TRAPPC9: variants seen among roughly 807,000 people sequenced by gnomAD.
TRAPPC9 encodes the protein trafficking protein particle complex subunit 9.
Under a neutral mutation model 124.0 loss-of-function variants are expected in TRAPPC9, and 83 were observed. The ratio of observed to expected loss-of-function variants is 0.67; its 90% CI spans 0.56 to 0.80. TRAPPC9 has a LOEUF of 0.80. Ranked by LOEUF, TRAPPC9 falls within the 30% of genes least tolerant of loss-of-function variation. The pLI is 0.00. For synonymous variants in TRAPPC9, 638 were observed against 617.5 expected (o/e 1.03, Z -0.49); for missense variants, 1,302 against 1,508.3 (o/e 0.86, Z 2.27).
At chr8:140,420,925 G>A (rs1047881984) in intron 5 of TRAPPC9, among the ~76,000 whole-genome samples, 1 of 152,130 alleles carries the variant, frequency 6.6e-6, no homozygotes, top group Non-Finnish European at 1.5e-5. Context: ...TAAACACATG[G>A]AGAGGAAAAG....
chr8:140,086,244 T>A (rs141646872), intron 17 of TRAPPC9, among the ~76,000 whole-genome samples: 5 of 151,146 alleles, frequency 3.3e-5, no homozygotes, highest in Admixed American at 2.0e-4. Flanking sequence ...GTATGGAGGA[T>A]GAAGAAGGAG....
intron 19 of TRAPPC9, among the ~76,000 whole-genome samples, chr8:139,917,217 A>G (rs1356915819): frequency 8.5e-6 from 1 of 118,070 alleles, no homozygotes; most frequent in Non-Finnish European, 1.6e-5. Context: ...TCTGTTGCCC[A>G]GGACGGAGTG....
chr8:140,358,503 G>C (rs1036923531), intron 9 of TRAPPC9, among the ~76,000 whole-genome samples: 1 of 152,168 alleles, frequency 6.6e-6, no homozygotes. Context: ...TACCACATCC[G>C]GCCAGAATTA....
At chr8:139,957,173 T>C (rs1411251130) in intron 19 of TRAPPC9, among the ~76,000 whole-genome samples, 1 of 152,172 alleles carries the variant, frequency 6.6e-6, no homozygotes, top group African/African-American at 2.4e-5. Context: ...GCCACCCTAG[T>C]CCGGAAGCTT....
At chr8:140,324,400 G>C (rs1287056338) in intron 9 of TRAPPC9, among the ~76,000 whole-genome samples, 1 of 152,150 alleles carries the variant, frequency 6.6e-6, no homozygotes, top group Non-Finnish European at 1.5e-5. Context: ...AATACATGAA[G>C]TAAAACCTGA....
intron 6 of TRAPPC9, among the ~76,000 whole-genome samples, chr8:140,404,803 T>G (rs1027589347): frequency 1.3e-5 from 2 of 151,962 alleles, no homozygotes; most frequent in Non-Finnish European, 2.9e-5. Context: ...TATGTGTGTG[T>G]GAACATGTGT....
At chr8:140,077,637 T>G (rs1720908485) in intron 17 of TRAPPC9, among the ~76,000 whole-genome samples, 1 of 152,104 alleles carries the variant, frequency 6.6e-6, no homozygotes, top group Non-Finnish European at 1.5e-5. Flanking sequence ...CGATGTGATG[T>G]GATGGACAAG....
chr8:139,965,976 G>A (rs998241312), intron 19 of TRAPPC9, among the ~76,000 whole-genome samples: 8 of 152,248 alleles, frequency 5.3e-5, no homozygotes, highest in Non-Finnish European at 1.0e-4. Flanking sequence ...GCCTGTCTGC[G>A]GGAGGCTTTG....
At chr8:140,000,786 A>G (rs1838338948) in intron 18 of TRAPPC9, among the ~76,000 whole-genome samples, 1 of 152,168 alleles carries the variant, frequency 6.6e-6, no homozygotes, top group Admixed American at 6.5e-5. Flanking sequence ...TGTTGGTGGG[A>G]GCGTAAATTA....
intron 17 of TRAPPC9, among the ~76,000 whole-genome samples, chr8:140,172,656 C>T (rs2061989352): frequency 6.6e-6 from 1 of 152,192 alleles, no homozygotes; most frequent in African/African-American, 2.4e-5. Context: ...CTGACACTTC[C>T]TGACACTCAG....
intron 17 of TRAPPC9, among the ~76,000 whole-genome samples, chr8:140,119,016 C>G (rs2060938624): frequency 6.6e-6 from 1 of 152,236 alleles, no homozygotes; most frequent in Non-Finnish European, 1.5e-5. Flanking sequence ...TTTAAACAGG[C>G]CCCTTCCAAA....
intron 19 of TRAPPC9, among the ~76,000 whole-genome samples, chr8:139,986,958 C>T (rs1177699083): frequency 2.6e-5 from 4 of 152,166 alleles, no homozygotes; most frequent in African/African-American, 9.7e-5. Context: ...AAAGTAATGG[C>T]AAAAGCCGCA....
Position 140,360,189 on chromosome 8 carries a change from C to G in TRAPPC9, c.1356G>C (p.Thr452=), listed in dbSNP as rs1055288375. Residue 452 remains threonine, a synonymous_variant, in exon 9 of 23, where the codon ACG becomes ACC. Coordinates refer to ENST00000438773, the MANE Select transcript of TRAPPC9 (RefSeq NM_001160372.4). ...TCTGGACCGCAGCCCAGCCTCTGTG[C>G]GTGCCTGCGATGGAAGTTACAAAAC... ...SLDPKDFSRG[T]HRGWAAVQMR... 4 of 1,614,070 alleles carry G rather than the reference C, an allele frequency of 2.5e-6. No homozygotes were observed. The South Asian group carries it at 4.4e-5, about 18-fold the overall frequency.
chr8:140,286,720 T>A (rs1441208528), intron 13 of TRAPPC9, among the ~76,000 whole-genome samples: 2 of 151,942 alleles, frequency 1.3e-5, no homozygotes, highest in Non-Finnish European at 2.9e-5. Flanking sequence ...CTGATTTGCA[T>A]GTATTATATG....
At chr8:140,436,435 C>T (rs2070816876) in intron 3 of TRAPPC9, among the ~76,000 whole-genome samples, 1 of 152,178 alleles carries the variant, frequency 6.6e-6, no homozygotes, top group Non-Finnish European at 1.5e-5. Flanking sequence ...AAATAAAGTA[C>T]TGGAGGAATG....
chr8:140,216,485 C>T lies in TRAPPC9; in HGVS notation c.2556+4974G>A, dbSNP rs2063197947. 1.3e-5 allele frequency among the ~76,000 whole-genome samples: 2 copies of T among 152,180 alleles called. No homozygotes were observed. Among genetic ancestry groups the T allele is most frequent in the African/African-American group, 4.8e-5 (2 of 41,450 alleles). The stretch of plus-strand genomic sequence containing the variant: ...TATCCTGTGAGACACAGAAAAAATC[C>T]TCTTCTTGTCTAACAGAGTACCTCA... On this transcript the variant is annotated intron_variant, in intron 17 of 22. Coordinates refer to ENST00000438773, the MANE Select transcript of TRAPPC9 (RefSeq NM_001160372.4). This position sits in a 1 kb window ranked among gnomAD's most constrained non-coding sequence, Gnocchi z 4.1.
intron 19 of TRAPPC9, among the ~76,000 whole-genome samples, chr8:139,970,497 C>T (rs577377507): frequency 6.6e-6 from 1 of 152,238 alleles, no homozygotes; most frequent in South Asian, 2.1e-4. Flanking sequence ...GAGCCAGTAG[C>T]CTGAGATCCC....
In TRAPPC9 at chr8:139,730,939, A is replaced by T; in HGVS notation, c.*122T>A. ...GGAGGAACAGGAGGAGAGGGCTGGG[A>T]GGGGTCTGGGGGAGGAGGAGGAGAT... is the stretch of plus-strand genomic sequence containing the variant. On this transcript the variant is annotated 3_prime_UTR_variant, in exon 23 of 23. Transcript: ENST00000438773. 9.6e-7 allele frequency: 1 copy of T among 1,045,202 alleles called. No homozygotes were observed. The highest frequency in any genetic ancestry group is 1.3e-6 in the Non-Finnish European group (1 of 743,918). The allele number at this position is 1,045,202 out of a possible 1,614,324, so 64.7% of individuals were successfully genotyped here.
chr8:140,450,173 C>G (rs2071404336), intron 2 of TRAPPC9, among the ~76,000 whole-genome samples: 1 of 152,022 alleles, frequency 6.6e-6, no homozygotes. Flanking sequence ...CCAGCCTGGC[C>G]AACGTGGCAA....
Sources: gnomAD v4.1 joint callset for allele counts (sites outside exome capture counted in the v4.1 genomes callset) on GRCh38, gnomAD v4.1.1 for gene constraint, Gnocchi (gnomAD v3.1) non-coding constraint, MANE v1.5 for transcripts, NCBI Gene and HGNC (gene_info 2026-07-23, HGNC 2026-07-21) for gene names.